ZNF268: variants seen among roughly 807,000 people sequenced by gnomAD.
ZNF268 encodes zinc finger protein 268, also known as zinc finger protein 3.
A neutral mutation model predicts 29.3 loss-of-function variants in ZNF268; 20 were observed. The observed-to-expected ratio is 0.68, with a 90% CI of 0.48 to 0.99. The LOEUF is 0.99. Among genes scored for constraint, ZNF268 ranks in the 50% least tolerant of loss-of-function variants. The pLI, the probability that ZNF268 is intolerant of heterozygous loss-of-function variation, is 0.00. For missense variants in ZNF268, 1,240 were observed against 1,121.6 expected, an observed-to-expected ratio of 1.11 and a Z score of -1.51; for synonymous variants, 429 against 376.9, an observed-to-expected ratio of 1.14 and a Z score of -1.60.
rs1956980436 is a variant in ZNF268 at position 133,211,502 on chromosome 12, C to T, written c.*6972C>T. 6.1e-6 allele frequency: 1 copy of T among 164,084 alleles called. No homozygotes were observed. Among genetic ancestry groups the T allele is most frequent in the Admixed American group, 5.9e-5 (1 of 16,874 alleles). The allele number at this position is 164,084 out of a possible 1,614,324, so 10.2% of individuals were successfully genotyped here. A position where few individuals can be genotyped will look rare whatever the true frequency, so the allele number is the denominator to read the frequency against. ...TCCGGAGGCGGAGGCAGGAGAATGG[C>T]TTGAACCCGGGAGGCGGAGGTTGCT... On this transcript the variant is annotated 3_prime_UTR_variant, in exon 6 of 6. Coordinates refer to ENST00000536435, the MANE Select transcript of ZNF268 (RefSeq NM_003415.3).
chr12:133,202,392 C>T lies in ZNF268; in HGVS notation c.706C>T (p.His236Tyr). 6.2e-7 allele frequency: 1 copy of T among 1,610,856 alleles called. No homozygotes were observed. The highest frequency in any genetic ancestry group is 8.5e-7 in the Non-Finnish European group (1 of 1,178,328). The change falls in exon 6 of 6, where the codon CAT becomes TAT. Residue 236 changes from histidine (H) to tyrosine (Y), a missense_variant. His to Tyr is a moderately conservative substitution (Grantham distance 83). Around this residue, in one of 3 missense-constraint regions of ZNF268, gnomAD observed 1,177 missense variants for 1,039.6 expected, o/e 1.13. Transcript: ENST00000536435. ...TCAGGTACATGGAAAATCATTCTTC[C>T]ATTCTAAACATGAGCAAACTGTTAT... ...GFQVHGKSFF[H>Y]SKHEQTVIGI...
chr12:133,212,023 A>C lies in ZNF268; in HGVS notation c.*7493A>C, dbSNP rs1318696868. 2 of 152,224 alleles carry C rather than the reference A, an allele frequency of 1.3e-5. No homozygotes were observed. Among genetic ancestry groups the C allele is most frequent in the Non-Finnish European group, 2.9e-5 (2 of 68,034 alleles). The allele number at this position is 152,224 out of a possible 1,614,324, so 9.4% of individuals were successfully genotyped here. ...TAACTAGGCTGGGGTACATCCATGC[A>C]ATGGAGTCCTGTTCAGCAAGAGCAA... On this transcript the variant is annotated 3_prime_UTR_variant, in exon 6 of 6. Coordinates refer to ENST00000536435, the MANE Select transcript of ZNF268 (RefSeq NM_003415.3).
chr12:133,206,459 G>C lies in ZNF268; in HGVS notation c.*1929G>C, dbSNP rs965059515. On this transcript the variant is annotated 3_prime_UTR_variant, in exon 6 of 6. Transcript: ENST00000536435. ...CTACTTAGTTACATGTAGCTATAGA[G>C]TCACAGTGGTGAAAAACTCTGCCAG... is the stretch of plus-strand genomic sequence containing the variant. 31 of 152,160 alleles carry C rather than the reference G, an allele frequency of 2.0e-4. No individual in the cohort carries two copies. The highest frequency in any genetic ancestry group is 7.5e-4 in the African/African-American group (31 of 41,432). The allele number at this position is 152,160 out of a possible 1,614,324, so 9.4% of individuals were successfully genotyped here. A position where few individuals can be genotyped will look rare whatever the true frequency, so the allele number is the denominator to read the frequency against.
intron 3 of ZNF268, among the ~76,000 whole-genome samples, chr12:133,189,822 T>C (rs542691663): frequency 1.4e-3 from 218 of 152,370 alleles, no homozygotes; most frequent in Middle Eastern, 6.8e-3. Context: ...TTGTTTGTTT[T>C]TTTGAGACGG....
intron 2 of ZNF268, among the ~76,000 whole-genome samples, chr12:133,183,465 A>C (rs967547788): frequency 6.6e-6 from 1 of 151,000 alleles, no homozygotes; most frequent in Non-Finnish European, 1.5e-5. Flanking sequence ...GCGCCACTGC[A>C]CTCCAGCCTG....
chr12:133,210,811 G>A lies in ZNF268; in HGVS notation c.*6281G>A, dbSNP rs1159634376. ...GTAGAAGGAAGGCCTGGTCCTCTGT[G>A]GATTCAACCCAGAGGTCTGTGAGCA... On this transcript the variant is annotated 3_prime_UTR_variant, in exon 6 of 6. Coordinates refer to ENST00000536435, the MANE Select transcript of ZNF268 (RefSeq NM_003415.3). The A allele has an allele frequency of 2.2e-6, 1 of 455,960 alleles. No homozygotes were observed. Among genetic ancestry groups the A allele is most frequent in the Admixed American group, 2.3e-5 (1 of 42,564 alleles). 28.2% of individuals were successfully genotyped at this position (455,960 alleles called of 1,614,324 possible).
At chr12:133,194,536 T>G in intron 5 of ZNF268, among the ~76,000 whole-genome samples, 1 of 152,128 alleles carries the variant, frequency 6.6e-6, no homozygotes, top group East Asian at 1.9e-4. Context: ...CACGAGTCTG[T>G]CAGACAGGAA....
rs773918181 is a variant in ZNF268 at position 133,202,810 on chromosome 12, T to G, written c.1124T>G (p.Leu375Arg). The G allele has an allele frequency of 6.2e-7, 1 of 1,605,772 alleles. No individual in the cohort carries two copies. The highest frequency in any genetic ancestry group is 1.1e-5 in the South Asian group (1 of 90,518). ...AAAGTCTTCAGTAGGAAAGACCAGC[T>G]TGTTTCACACCAGAAAACTCATTCA... Reference protein sequence around the residue: ...CGKVFSRKDQLVSHQKTHSGQ... With the variant: ...CGKVFSRKDQRVSHQKTHSGQ... Residue 375 changes from leucine to arginine, a missense_variant, in exon 6 of 6, where the codon CTT (leucine) becomes CGT (arginine). Physicochemically the swap from Leu to Arg is moderately radical, Grantham distance 102. Coordinates refer to ENST00000536435, the MANE Select transcript of ZNF268 (RefSeq NM_003415.3).
Position 133,211,143 on chromosome 12 carries a change from TA to T in ZNF268, c.*6615del. On this transcript the variant is annotated 3_prime_UTR_variant, in exon 6 of 6. Coordinates refer to ENST00000536435, the MANE Select transcript of ZNF268 (RefSeq NM_003415.3). ...ATATATTTGAAATAATGTATAGCAA[TA>T]ATTGGAATTTGTAATGAATAAAATC... The T allele has an allele frequency of 2.6e-6, 1 of 380,590 alleles. No homozygotes were observed. Among genetic ancestry groups the T allele is most frequent in the South Asian group, 1.9e-5 (1 of 52,582 alleles). The allele number at this position is 380,590 out of a possible 1,614,324, so 23.6% of individuals were successfully genotyped here.
Position 133,214,024 on chromosome 12 carries a change from T to G in ZNF268, c.*9494T>G, listed in dbSNP as rs1369326851. Reference sequence around the variant, plus strand: ...AAGGTGAATATAGGAGAAAAGACACTGTAAAATAATATACCTGATAAGGGT... The same window carrying G: ...AAGGTGAATATAGGAGAAAAGACACGGTAAAATAATATACCTGATAAGGGT... On this transcript the variant is annotated 3_prime_UTR_variant, in exon 6 of 6. Transcript: ENST00000536435. 1 of 150,480 alleles carries G rather than the reference T, an allele frequency of 6.6e-6. No individual in the cohort carries two copies. The highest frequency in any genetic ancestry group is 6.6e-5 in the Admixed American group (1 of 15,118). 9.3% of individuals were successfully genotyped at this position (150,480 alleles called of 1,614,324 possible).
chr12:133,183,153 C>T (rs1450377908), intron 2 of ZNF268, among the ~76,000 whole-genome samples: 6 of 152,122 alleles, frequency 3.9e-5, no homozygotes, highest in African/African-American at 1.4e-4. Context: ...CAGAAGCCAT[C>T]GCCGCACCCG....
Position 133,204,630 on chromosome 12 carries a change from A to G in ZNF268, c.*100A>G. The G allele has an allele frequency of 1.1e-6, 1 of 919,210 alleles. No individual in the cohort carries two copies. The highest frequency in any genetic ancestry group is 1.9e-5 in the South Asian group (1 of 52,516). 56.9% of individuals were successfully genotyped at this position (919,210 alleles called of 1,614,324 possible). On this transcript the variant is annotated 3_prime_UTR_variant, in exon 6 of 6. Coordinates refer to ENST00000536435, the MANE Select transcript of ZNF268 (RefSeq NM_003415.3). Reference sequence around the variant, plus strand: ...GGAATCATCTTGTCATCTTCCAGAAAACTCATACTGAATAGAAACTTTATG... The same window carrying G: ...GGAATCATCTTGTCATCTTCCAGAAGACTCATACTGAATAGAAACTTTATG...
chr12:133,183,493 C>T (rs140142354), intron 2 of ZNF268, among the ~76,000 whole-genome samples: 1 of 148,650 alleles, frequency 6.7e-6, no homozygotes, highest in African/African-American at 2.5e-5. Flanking sequence ...GAGCAAGACT[C>T]TGTCTCAAAA....
intron 5 of ZNF268, among the ~76,000 whole-genome samples, chr12:133,198,127 G>T (rs1279024170): frequency 1.3e-5 from 2 of 150,422 alleles, no homozygotes. Context: ...TGTCCTGAAT[G>T]GTAATGCCTG....
intron 4 of ZNF268, 28 bp downstream of exon 4, chr12:133,191,643 G>A (rs774221569): frequency 1.2e-6 from 2 of 1,610,116 alleles, no homozygotes; most frequent in East Asian, 2.2e-5. Context: ...GAGGAGGAGT[G>A]TGCTCGATCT....
chr12:133,202,070 T>G (rs545527880), intron 5 of ZNF268, 74 bp from the exon 6 acceptor site: 1 of 1,263,028 alleles, frequency 7.9e-7, no homozygotes, highest in African/African-American at 1.5e-5. Flanking sequence ...TAATTGTTCT[T>G]ATTTCATAGG....
chr12:133,202,542 A>G lies in ZNF268; in HGVS notation c.856A>G (p.Ser286Gly). ...ATGCAGCTGTTGTGAGAAAGCCTTC[A>G]GCAGCAAGTCATACCTTCTAGTGCA... ...FGCSCCEKAFSSKSYLLVHQQ... is the reference protein window; with the variant it reads ...FGCSCCEKAFGSKSYLLVHQQ... Residue 286 changes from serine to glycine, a missense_variant, in exon 6 of 6, where the codon AGC (serine) becomes GGC (glycine). By Grantham distance (56) the Ser-to-Gly change is moderately conservative. Transcript: ENST00000536435. 1.9e-6 allele frequency: 3 copies of G among 1,611,618 alleles called. No homozygotes were observed. The highest frequency in any genetic ancestry group is 1.1e-5 in the South Asian group (1 of 90,736).
intron 5 of ZNF268, among the ~76,000 whole-genome samples, chr12:133,200,621 A>C (rs150928863): frequency 6.6e-6 from 1 of 152,126 alleles, no homozygotes; most frequent in East Asian, 1.9e-4. Context: ...TTTTCTACTC[A>C]ACCTCCAGAT....
chr12:133,200,065 T>G (rs375157345), intron 5 of ZNF268, among the ~76,000 whole-genome samples: 3 of 152,084 alleles, frequency 2.0e-5, no homozygotes, highest in Non-Finnish European at 2.9e-5. Context: ...CTTGCCTTCT[T>G]CTAGCTTTTG....
Sources: allele counts gnomAD v4.1 joint callset (sites outside exome capture counted in the v4.1 genomes callset), GRCh38; gene constraint gnomAD v4.1.1; regional missense constraint gnomAD v4.1.1; transcripts MANE v1.5; gene names NCBI Gene and HGNC (gene_info 2026-07-23, HGNC 2026-07-21).